The following MYO10 variants were observed in gnomAD, a reference collection of about 807,000 sequenced individuals.
The protein encoded by MYO10 is myosin X, also known as unconventional myosin-X.
MYO10 carries 133 observed loss-of-function variants against 257.3 expected under a neutral mutation model. The ratio of observed to expected loss-of-function variants is 0.52; its 90% confidence interval spans 0.45 to 0.60. The LOEUF is 0.60. Ranked by LOEUF, MYO10 falls within the 20% of genes least tolerant of loss-of-function variation. The pLI is 0.00. For synonymous variants in MYO10, 1,104 were observed against 1,028.6 expected (o/e 1.07, Z -1.40); for missense variants, 2,399 against 2,635.7 (o/e 0.91, Z 1.97).
chr5:16,870,902 A>AC (rs1744440550), intron 2 of MYO10, among the ~76,000 whole-genome samples: 5 of 152,052 alleles, frequency 3.3e-5, no homozygotes, highest in African/African-American at 1.2e-4. Flanking sequence ...CACACACACA[A>AC]AAAAAATTCT....
chr5:16,766,711 C>T (rs374596551), intron 10 of MYO10, among the ~76,000 whole-genome samples: 7 of 151,880 alleles, frequency 4.6e-5, no homozygotes, highest in Admixed American at 3.9e-4. Context: ...ATGATCTACC[C>T]GCCTTGGCCT....
intron 25 of MYO10, 46 bp downstream of exon 25, chr5:16,700,917 G>A (rs1238548642): frequency 6.7e-7 from 1 of 1,500,982 alleles, no homozygotes; most frequent in South Asian, 1.3e-5. Flanking sequence ...AGGGGTGGGT[G>A]TGACCGGCCA....
intron 4 of MYO10, among the ~76,000 whole-genome samples, chr5:16,784,702 G>A (rs1741522574): frequency 6.6e-6 from 1 of 152,254 alleles, no homozygotes; most frequent in Non-Finnish European, 1.5e-5. Flanking sequence ...GGGCAGATGA[G>A]CCCCTTTTGC....
chr5:16,701,470 TGCGCTCTCA>T lies in MYO10; in HGVS notation c.2916_2924del (p.Glu973_Ala975del). 1 of 1,613,992 alleles carries T rather than the reference TGCGCTCTCA, an allele frequency of 6.2e-7. No individual in the cohort carries two copies. The highest frequency in any genetic ancestry group is 2.2e-5 in the East Asian group (1 of 44,852). ...AGTTGAAGTTGGGCTTCTCCTCGCA[TGCGCTCTCA>T]GCCAGCTCGCTGGAAAATTCGCTTC... On this transcript the variant is annotated inframe_deletion, in exon 25 of 41. Coordinates refer to ENST00000513610, the MANE Select transcript of MYO10 (RefSeq NM_012334.3). The surrounding 1 kb of genome is among the most constrained non-coding windows in gnomAD (Gnocchi z 8.1).
chr5:16,686,498 T>C (rs1029471575), intron 28 of MYO10, among the ~76,000 whole-genome samples: 1 of 151,970 alleles, frequency 6.6e-6, no homozygotes, highest in African/African-American at 2.4e-5. Context: ...ATACTCAACA[T>C]GTAATGGAGA....
chr5:16,712,281 G>A (rs908857616), intron 19 of MYO10, among the ~76,000 whole-genome samples: 15 of 152,298 alleles, frequency 9.8e-5, no homozygotes, highest in African/African-American at 3.4e-4. Context: ...TAAAGACAGA[G>A]GAAATCAGAA....
At chr5:16,764,189 T>C (rs1372908523) in intron 12 of MYO10, 61 bp downstream of exon 12, 16 of 1,561,420 alleles carry the variant, frequency 1.0e-5, no homozygotes, top group Non-Finnish European at 1.3e-5. Flanking sequence ...CAGAGATTTG[T>C]TCAATAGCAG....
At position 16,675,009 on chromosome 5, in the gene MYO10, C is replaced by T. The variant is rs377467284; in HGVS notation, c.4808G>A (p.Arg1603Gln). The change falls in exon 35 of 41, where the codon CGG (arginine) becomes CAG (glutamine). Residue 1603 changes from arginine to glutamine, a missense_variant. By Grantham distance (43) the Arg-to-Gln change is conservative. Transcript: ENST00000513610. ...GATAAGCTGGCAGTACAGCTCGTCC[C>T]GCAGAGGTCGCAGGTCATGCCCTGT... ...LQTGHDLRPL[R>Q]DELYCQLIKQ... 30 of 1,613,852 alleles carry T rather than the reference C, an allele frequency of 1.9e-5. No homozygotes were observed. Among genetic ancestry groups the T allele is most frequent in the Admixed American group, 3.3e-5 (2 of 60,002 alleles).
intron 9 of MYO10, among the ~76,000 whole-genome samples, chr5:16,778,907 G>A (rs1277643443): frequency 6.6e-6 from 1 of 152,008 alleles, no homozygotes; most frequent in Non-Finnish European, 1.5e-5. Context: ...AGCCAGGATG[G>A]TCTCAATCTC....
At chr5:16,855,627 C>T (rs903589045) in intron 2 of MYO10, among the ~76,000 whole-genome samples, 4 of 152,350 alleles carry the variant, frequency 2.6e-5, no homozygotes, top group South Asian at 2.1e-4. Context: ...ATGTTGGCAA[C>T]ATTCCCTGGA....
At chr5:16,763,569 C>T in intron 13 of MYO10, 22 bp from the exon 14 acceptor site, 2 of 1,601,152 alleles carry the variant, frequency 1.2e-6, no homozygotes, top group Non-Finnish European at 1.7e-6. Flanking sequence ...TTTTAAACAG[C>T]CAAGTTAAAT....
intron 19 of MYO10, among the ~76,000 whole-genome samples, chr5:16,749,541 C>T (rs1214831067): frequency 1.3e-5 from 2 of 151,670 alleles, no homozygotes; most frequent in African/African-American, 4.8e-5. Flanking sequence ...TGCTAGAGGC[C>T]TTCTTCCACC....
intron 1 of MYO10, among the ~76,000 whole-genome samples, chr5:16,901,588 G>A: frequency 6.6e-6 from 1 of 152,170 alleles, no homozygotes; most frequent in East Asian, 1.9e-4. Flanking sequence ...TTAAATAGGT[G>A]AGAAGACTCC....
intron 28 of MYO10, among the ~76,000 whole-genome samples, chr5:16,688,788 C>T (rs1156542461): frequency 6.6e-6 from 1 of 151,192 alleles, no homozygotes; most frequent in Non-Finnish European, 1.5e-5. Flanking sequence ...ATTGCTCAGA[C>T]ACCTCCAGCA....
intron 1 of MYO10, among the ~76,000 whole-genome samples, chr5:16,934,637 C>T (rs1233048521): frequency 6.6e-6 from 1 of 152,180 alleles, no homozygotes; most frequent in African/African-American, 2.4e-5. Context: ...TTCTAGTCTT[C>T]CTTCCACAAT....
intron 3 of MYO10, among the ~76,000 whole-genome samples, chr5:16,805,927 G>A (rs1742262619): frequency 6.6e-6 from 1 of 151,850 alleles, no homozygotes; most frequent in Admixed American, 6.6e-5. Context: ...AAGGCCTAAG[G>A]GTATAACACC....
chr5:16,698,070 A>C (rs1020878507), intron 26 of MYO10, among the ~76,000 whole-genome samples: 1 of 152,232 alleles, frequency 6.6e-6, no homozygotes, highest in African/African-American at 2.4e-5. Context: ...GTCCCAATTA[A>C]ATAATTAAAT....
intron 1 of MYO10, among the ~76,000 whole-genome samples, chr5:16,879,841 G>A (rs930668806): frequency 6.6e-6 from 1 of 152,152 alleles, no homozygotes; most frequent in Non-Finnish European, 1.5e-5. Context: ...TGACGTAAAG[G>A]TTACTCCATT....
intron 40 of MYO10, 129 bp from the exon 41 acceptor site, chr5:16,666,922 T>C (rs980866915): frequency 1.4e-6 from 1 of 691,148 alleles, no homozygotes; most frequent in African/African-American, 1.8e-5. Flanking sequence ...GATCCCATTT[T>C]GCAGGAAGCC....
Sources: allele counts gnomAD v4.1 joint callset (sites outside exome capture counted in the v4.1 genomes callset), GRCh38; gene constraint gnomAD v4.1.1; non-coding constraint Gnocchi (gnomAD v3.1); transcripts MANE v1.5; gene names NCBI Gene and HGNC (gene_info 2026-07-23, HGNC 2026-07-21).